TRPM7: variants seen among roughly 807,000 people sequenced by gnomAD.
The protein encoded by TRPM7 is transient receptor potential cation channel subfamily M member 7.
TRPM7 carries 134 observed loss-of-function variants against 229.7 expected under a neutral mutation model. That is an observed-to-expected ratio of 0.58 (90% confidence interval 0.51 to 0.67). The LOEUF is 0.67. TRPM7 is among the 30% of genes least tolerant of loss of function. TRPM7 has a pLI of 0.00. For missense variants in TRPM7, 1,901 were observed against 2,210.0 expected (o/e 0.86, Z 2.80); for synonymous variants, 699 against 715.2 (o/e 0.98, Z 0.36).
In TRPM7 at chr15:50,564,633, A is replaced by G. The variant is rs560473955; in HGVS notation, c.5468-2825T>C. On this transcript the variant is annotated intron_variant, in intron 38 of 38. Transcript: ENST00000646667. ...TATGTGTGTCATGGCGTAAACCCTT[A>G]TATTTTTATCTCCATATAAAATATA... Among the ~76,000 whole-genome samples, 21 of 152,246 alleles carry G rather than the reference A, an allele frequency of 1.4e-4. No homozygotes were observed. In the East Asian group the frequency reaches 4.0e-3, roughly 29 times the overall value.
intron 1 of TRPM7, among the ~76,000 whole-genome samples, chr15:50,668,127 G>C (rs890202895): frequency 6.6e-6 from 1 of 152,106 alleles, no homozygotes; most frequent in Non-Finnish European, 1.5e-5. Context: ...CTCTTCGAAA[G>C]GTGGTTTATA....
chr15:50,637,478 T>C lies in TRPM7; in HGVS notation c.776A>G (p.Glu259Gly), dbSNP rs2060943481. The C allele has an allele frequency of 6.8e-6, 11 of 1,613,914 alleles. No homozygotes were observed. In the South Asian group the frequency reaches 1.1e-4, roughly 16 times the overall value. Reference sequence around the variant, plus strand: ...TTCAAGTTCTCTTCTCAGTCTGACTTCCGCCCCATACTTTCCAACAGTGCC... The same window carrying C: ...TTCAAGTTCTCTTCTCAGTCTGACTCCCGCCCCATACTTTCCAACAGTGCC... ...DDGTVGKYGAEVRLRRELEKT... is the reference protein window; with the variant it reads ...DDGTVGKYGAGVRLRRELEKT... The change falls in exon 7 of 39, where the codon GAA becomes GGA. Residue 259 changes from glutamate to glycine, a missense_variant. By Grantham distance (98) the Glu-to-Gly change is moderately conservative. Around this residue, in one of 8 missense-constraint regions of TRPM7, gnomAD observed 794 missense variants for 881.9 expected, o/e 0.90. Coordinates refer to ENST00000646667, the MANE Select transcript of TRPM7 (RefSeq NM_017672.6).
At chr15:50,593,316 T>C (rs1003178237) in intron 25 of TRPM7, among the ~76,000 whole-genome samples, 7 of 151,480 alleles carry the variant, frequency 4.6e-5, no homozygotes, top group African/African-American at 1.5e-4. Context: ...TAAATAATAA[T>C]AATAATGATG....
chr15:50,679,540 T>TA (rs1567129715), intron 1 of TRPM7, among the ~76,000 whole-genome samples: 123 of 49,466 alleles, frequency 2.5e-3, no homozygotes, highest in Non-Finnish European at 4.8e-3. Flanking sequence ...ATATATATAT[T>TA]TTTTTTTTTT....
In TRPM7 at chr15:50,586,372, C is replaced by T. The variant is rs1458548194; in HGVS notation, c.4486+20G>A. On this transcript the variant is annotated intron_variant, in intron 28 of 38. Coordinates refer to ENST00000646667, the MANE Select transcript of TRPM7 (RefSeq NM_017672.6). ...AATGAGTATGTTTTCTGACACTATTCATATGGTCAAAATACTCACCTTGTT... is the reference window on the plus strand; with the variant it reads ...AATGAGTATGTTTTCTGACACTATTTATATGGTCAAAATACTCACCTTGTT... 6 of 1,472,848 alleles carry T rather than the reference C, an allele frequency of 4.1e-6. No individual in the cohort carries two copies. The highest frequency in any genetic ancestry group is 4.7e-6 in the Non-Finnish European group (5 of 1,052,702). 91.2% of individuals were successfully genotyped at this position (1,472,848 alleles called of 1,614,324 possible). A position where few individuals can be genotyped will look rare whatever the true frequency, so the allele number is the denominator to read the frequency against.
chr15:50,632,163 C>T (rs371600690), intron 9 of TRPM7, among the ~76,000 whole-genome samples: 1 of 152,056 alleles, frequency 6.6e-6, no homozygotes, highest in Admixed American at 6.6e-5. Context: ...ATTAGCCAGG[C>T]ATGGTGGCGT....
intron 8 of TRPM7, 99 bp downstream of exon 8, chr15:50,634,283 T>C: frequency 1.0e-6 from 1 of 959,254 alleles, no homozygotes; most frequent in Non-Finnish European, 1.4e-6. Context: ...ATTGCACCAC[T>C]GCACGCTATC....
At chr15:50,597,393 AGT>A (rs1467582366) in intron 22 of TRPM7, among the ~76,000 whole-genome samples, 1 of 152,254 alleles carries the variant, frequency 6.6e-6, no homozygotes, top group African/African-American at 2.4e-5. Flanking sequence ...ATTTTTAAAA[AGT>A]ATATGCATCA....
intron 28 of TRPM7, among the ~76,000 whole-genome samples, chr15:50,585,723 G>A (rs2059324322): frequency 6.6e-6 from 1 of 152,046 alleles, no homozygotes. Flanking sequence ...ATGGTGAGAT[G>A]GACAATGTAG....
chr15:50,607,072 A>G (rs1315588210), intron 20 of TRPM7, 128 bp downstream of exon 20: 1 of 723,658 alleles, frequency 1.4e-6, no homozygotes. Context: ...AAAATTACAC[A>G]GGTTCTACAC....
At chr15:50,641,928 A>G (rs548805420) in intron 5 of TRPM7, among the ~76,000 whole-genome samples, 46 of 148,494 alleles carry the variant, frequency 3.1e-4, no homozygotes, top group African/African-American at 1.1e-3. Context: ...TGAACCCGGG[A>G]GGTGGAGGTT....
At chr15:50,595,217 T>C (rs2059602075) in intron 23 of TRPM7, among the ~76,000 whole-genome samples, 1 of 151,780 alleles carries the variant, frequency 6.6e-6, no homozygotes, top group Non-Finnish European at 1.5e-5. Context: ...AAAATAATTT[T>C]ATTTACTATC....
chr15:50,613,994 G>T (rs2060141766), intron 14 of TRPM7, 129 bp downstream of exon 14: 6 of 1,328,850 alleles, frequency 4.5e-6, no homozygotes, highest in Non-Finnish European at 5.2e-6. Flanking sequence ...ATTTCTAATT[G>T]CTCTTAGTTG....
At chr15:50,672,236 G>T (rs879596114) in intron 1 of TRPM7, among the ~76,000 whole-genome samples, 2 of 152,008 alleles carry the variant, frequency 1.3e-5, no homozygotes, top group Admixed American at 6.6e-5. Context: ...TGTATTTTTA[G>T]TAGAGACATT....
chr15:50,627,744 T>A (rs1294534227), intron 11 of TRPM7, among the ~76,000 whole-genome samples: 2 of 152,234 alleles, frequency 1.3e-5, no homozygotes, highest in East Asian at 3.9e-4. Flanking sequence ...TGGATTGGAA[T>A]ACATGAGAAA....
At chr15:50,645,339 AC>A (rs1397323920) in intron 4 of TRPM7, among the ~76,000 whole-genome samples, 3 of 151,316 alleles carry the variant, frequency 2.0e-5, no homozygotes, top group Non-Finnish European at 4.4e-5. Context: ...ACCACACCAG[AC>A]CAAGAATGCT....
chr15:50,624,062 G>A, intron 12 of TRPM7, 104 bp downstream of exon 12: 1 of 1,171,234 alleles, frequency 8.5e-7, no homozygotes, highest in Non-Finnish European at 1.2e-6. Context: ...ATATAACTAA[G>A]GAAGACATTA....
intron 6 of TRPM7, 72 bp downstream of exon 6, chr15:50,639,352 C>G: frequency 8.1e-7 from 1 of 1,236,568 alleles, no homozygotes; most frequent in Non-Finnish European, 1.1e-6. Flanking sequence ...ATATTTTAAA[C>G]TGGCACTATT....
At chr15:50,684,465 A>C (rs1596360833) in intron 1 of TRPM7, among the ~76,000 whole-genome samples, 1 of 151,546 alleles carries the variant, frequency 6.6e-6, no homozygotes, top group Non-Finnish European at 1.5e-5. Context: ...ATATGACGAA[A>C]CCCCATCTCC....
Sources: gnomAD v4.1 joint callset for allele counts (sites outside exome capture counted in the v4.1 genomes callset) on GRCh38, gnomAD v4.1.1 for gene constraint, gnomAD v4.1.1 regional missense constraint, MANE v1.5 for transcripts, NCBI Gene and HGNC (gene_info 2026-07-23, HGNC 2026-07-21) for gene names.